RGS3: variants seen among roughly 807,000 people sequenced by gnomAD.
RGS3 encodes the protein regulator of G-protein signalling 3.
Under a neutral mutation model 132.6 loss-of-function variants are expected in RGS3, and 80 were observed. The observed-to-expected ratio is 0.60, with a 90% confidence interval of 0.50 to 0.73. The LOEUF is 0.73. RGS3 is among the 30% of genes least tolerant of loss of function. The probability of loss-of-function intolerance (pLI) is 0.00; values close to 1 mark genes in which losing one functional copy is unlikely to be tolerated. For missense variants in RGS3, 1,382 were observed against 1,530.8 expected (o/e 0.90, Z 1.62); for synonymous variants, 598 against 620.6 (o/e 0.96, Z 0.54).
chr9:113,531,315 C>T lies in RGS3; in HGVS notation c.1914+2051C>T, dbSNP rs1025640715. Among the ~76,000 whole-genome samples the T allele has an allele frequency of 2.5e-4, 38 of 152,258 alleles. 1 individual carries two copies. Among genetic ancestry groups the T allele is most frequent in the African/African-American group, 7.5e-4 (31 of 41,540 alleles). On this transcript the variant is annotated intron_variant, in intron 18 of 24. Transcript: ENST00000350696. ...TCTAACCTAGAATCTGATGTTGGCTCCATTAATTTAAGAGTCTTGGAGTTA... is the reference window on the plus strand; with the variant it reads ...TCTAACCTAGAATCTGATGTTGGCTTCATTAATTTAAGAGTCTTGGAGTTA...
chr9:113,591,351 G>T lies in RGS3; in HGVS notation c.3034G>T (p.Val1012Phe). The T allele has an allele frequency of 2.5e-6, 4 of 1,613,718 alleles. No individual in the cohort carries two copies. Among genetic ancestry groups the T allele is most frequent in the South Asian group, 2.2e-5 (2 of 91,090 alleles). The change falls in exon 21 of 25, where the codon GTT becomes TTT. Residue 1012 changes from valine to phenylalanine, a missense_variant. By Grantham distance (50) the Val-to-Phe change is conservative. Coordinates refer to ENST00000350696, the Ensembl canonical transcript of RGS3. The surrounding 1 kb of genome is among the most constrained non-coding windows in gnomAD (Gnocchi z 4.4). The stretch of plus-strand genomic sequence containing the variant: ...TCCGCAGATGAGCGGGGCTGACACC[G>T]TTGGGGATGATGACGAAGCCTCCCG...
chr9:113,554,947 TTG>T (rs1833507824), intron 19 of RGS3, among the ~76,000 whole-genome samples: 1 of 152,234 alleles, frequency 6.6e-6, no homozygotes, highest in African/African-American at 2.4e-5. Context: ...CTTTTATTTT[TTG>T]CATTTACATT....
chr9:113,568,151 A>G (rs1201029625), intron 19 of RGS3, among the ~76,000 whole-genome samples: 1 of 152,292 alleles, frequency 6.6e-6, no homozygotes, highest in African/African-American at 2.4e-5. Flanking sequence ...CATGCGACTC[A>G]GCAGGAAATC....
Position 113,583,749 on chromosome 9 carries a change from C to T in RGS3, c.2337C>T (p.Cys779=), listed in dbSNP as rs368038312. The T allele has an allele frequency of 3.1e-6, 5 of 1,613,980 alleles. No individual in the cohort carries two copies. The African/African-American group carries it at 6.7e-5, about 22-fold the overall frequency. ...CTCCAGCCCAAGACCTCTCACCCTGCCAGGACCTACCTGCTGGTCAAGAAC... is the reference window on the plus strand; with the variant it reads ...CTCCAGCCCAAGACCTCTCACCCTGTCAGGACCTACCTGCTGGTCAAGAAC... The change falls in exon 20 of 25, where the codon TGC becomes TGT. Residue 779 remains cysteine (C), a synonymous_variant. Transcript: ENST00000350696.
chr9:113,491,643 C>T (rs1240612380), intron 7 of RGS3, among the ~76,000 whole-genome samples: 1 of 151,868 alleles, frequency 6.6e-6, no homozygotes, highest in Non-Finnish European at 1.5e-5. Flanking sequence ...AAACCTCCAC[C>T]TCCTGGATTC....
chr9:113,564,825 C>T (rs561692653), intron 19 of RGS3: 115 of 631,782 alleles, frequency 1.8e-4, no homozygotes, highest in East Asian at 1.4e-4. Context: ...TGGGGGCAGT[C>T]GCATTCTGGA....
intron 1 of RGS3, among the ~76,000 whole-genome samples, chr9:113,451,807 C>T (rs1829252293): frequency 6.6e-6 from 1 of 151,568 alleles, no homozygotes; most frequent in African/African-American, 2.4e-5. Context: ...CTCTTTATTC[C>T]TTTGTGTAGA....
At chr9:113,473,821 C>G (rs527791606) in intron 3 of RGS3, among the ~76,000 whole-genome samples, 1 of 152,292 alleles carries the variant, frequency 6.6e-6, no homozygotes, top group African/African-American at 2.4e-5. Context: ...ACCTAGTAAA[C>G]ATCTAAGAAA....
exon 19 of RGS3, chr9:113,536,864 G>T: frequency 1.2e-6 from 2 of 1,614,168 alleles, no homozygotes; most frequent in South Asian, 1.1e-5. Flanking sequence ...GCTGGTGCCT[G>T]TCGGAGAACA....
At chr9:113,508,341 G>T (rs1381768804) in intron 13 of RGS3, among the ~76,000 whole-genome samples, 200 bp from the exon 12 acceptor site, 2 of 152,188 alleles carry the variant, frequency 1.3e-5, no homozygotes, top group Non-Finnish European at 2.9e-5. Context: ...GACCCATAAA[G>T]CCTCTTTCAA....
At chr9:113,585,840 G>A (rs531297757) in intron 20 of RGS3, among the ~76,000 whole-genome samples, 159 of 152,326 alleles carry the variant, frequency 1.0e-3, no homozygotes, top group African/African-American at 3.8e-3. Context: ...TTACCTTCTG[G>A]GGAGATGCCT....
chr9:113,509,228 T>G (rs1195300123), intron 14 of RGS3, among the ~76,000 whole-genome samples: 1 of 150,884 alleles, frequency 6.6e-6, no homozygotes, highest in Non-Finnish European at 1.5e-5. Context: ...GAGGTTGCAA[T>G]GAGCCGAGAT....
rs1327560960 is a variant in RGS3 at position 113,461,925 on chromosome 9, A to G, written c.234+65A>G. 8 of 1,594,156 alleles carry G rather than the reference A, an allele frequency of 5.0e-6. No individual in the cohort carries two copies. In the Admixed American group the frequency reaches 6.8e-5, roughly 14 times the overall value. Reference sequence around the variant, plus strand: ...GTGGGCCTTCCTTTGCTGTTTCCTGAACACCATGCTTTCTAGTTCCTACTG... The same window carrying G: ...GTGGGCCTTCCTTTGCTGTTTCCTGGACACCATGCTTTCTAGTTCCTACTG... On this transcript the variant is annotated intron_variant, in intron 2 of 24. Transcript: ENST00000350696.
chr9:113,556,991 A>T (rs1000110562), intron 19 of RGS3, among the ~76,000 whole-genome samples: 2 of 152,196 alleles, frequency 1.3e-5, no homozygotes, highest in African/African-American at 4.8e-5. Flanking sequence ...GACTCTTCTT[A>T]TAGAACACAC....
chr9:113,472,167 C>T (rs569109794), intron 3 of RGS3, among the ~76,000 whole-genome samples: 30 of 152,242 alleles, frequency 2.0e-4, no homozygotes, highest in African/African-American at 6.7e-4. Context: ...CACTGCCGGC[C>T]GGAATGTCAA....
At chr9:113,562,637 T>G (rs1425977366) in intron 19 of RGS3, among the ~76,000 whole-genome samples, 1 of 152,164 alleles carries the variant, frequency 6.6e-6, no homozygotes. Context: ...TGGGGCCCAG[T>G]TCCTGAGTAC....
chr9:113,460,810 T>C (rs867522794), intron 1 of RGS3, among the ~76,000 whole-genome samples: 2 of 152,224 alleles, frequency 1.3e-5, no homozygotes, highest in Admixed American at 1.3e-4. Context: ...TTGAGAGTTA[T>C]TGTGAAAATG....
At chr9:113,511,674 C>T (rs541243216) in intron 14 of RGS3, among the ~76,000 whole-genome samples, 95 of 152,210 alleles carry the variant, frequency 6.2e-4, no homozygotes, top group African/African-American at 2.1e-3. Flanking sequence ...CTGTGACAGC[C>T]CTGGGCCCCT....
At chr9:113,577,607 G>C (rs113118099) in intron 19 of RGS3, among the ~76,000 whole-genome samples, 1 of 152,148 alleles carries the variant, frequency 6.6e-6, no homozygotes, top group African/African-American at 2.4e-5. Flanking sequence ...TGCAGAAGGA[G>C]GTCTCCATCC....
Sources: gnomAD v4.1 joint callset for allele counts (sites outside exome capture counted in the v4.1 genomes callset) on GRCh38, gnomAD v4.1.1 for gene constraint, Gnocchi (gnomAD v3.1) non-coding constraint, MANE v1.5 for transcripts, NCBI Gene and HGNC (gene_info 2026-07-23, HGNC 2026-07-21) for gene names.